CACNG8: variants seen among roughly 807,000 people sequenced by gnomAD.
CACNG8 encodes the protein calcium voltage-gated channel auxiliary subunit gamma 8.
Under a neutral mutation model 26.9 loss-of-function variants are expected in CACNG8, and 5 were observed. The ratio of observed to expected loss-of-function variants is 0.19; its 90% CI spans 0.10 to 0.39. The LOEUF is 0.39. CACNG8 is among the 10% of genes least tolerant of loss of function. The pLI, the probability that CACNG8 is intolerant of heterozygous loss-of-function variation, is 1.00. For missense variants in CACNG8, 473 were observed against 609.4 expected (o/e 0.78, Z 2.36); for synonymous variants, 321 against 296.7 (o/e 1.08, Z -0.84).
intron 1 of CACNG8, among the ~76,000 whole-genome samples, chr19:53,966,826 CA>C (rs1180934476): frequency 1.3e-5 from 2 of 152,150 alleles, no homozygotes; most frequent in African/African-American, 4.8e-5. Flanking sequence ...GCTGTGTTAA[CA>C]AATGACCGAG....
rs2069372800 is a variant in CACNG8 at position 53,982,072 on chromosome 19, C to T, written c.509-8C>T. 1 of 1,554,672 alleles carries T rather than the reference C, an allele frequency of 6.4e-7. No homozygotes were observed. Among genetic ancestry groups the T allele is most frequent in the Non-Finnish European group, 8.7e-7 (1 of 1,151,714 alleles). On this transcript the variant is annotated splice_region_variant and splice_polypyrimidine_tract_variant and intron_variant, in intron 3 of 3. Coordinates refer to ENST00000270458, the MANE Select transcript of CACNG8 (RefSeq NM_031895.6). This position sits in a 1 kb window ranked among gnomAD's most constrained non-coding sequence, Gnocchi z 8.4. ...CCTCGAGGCTCCCGTCTGACCGTCC[C>T]CGCCCAGGCCTGAGCAACATCATCG...
At position 53,989,423 on chromosome 19, in the gene CACNG8, G is replaced by A. The variant is rs1270961533; in HGVS notation, c.*6574G>A. On this transcript the variant is annotated 3_prime_UTR_variant, in exon 4 of 4. Transcript: ENST00000270458. ...CAACCACAGAGATAGGGAGACGTAAGCCGGAGAAAGACCCAGAGATTCGCA... is the reference window on the plus strand; with the variant it reads ...CAACCACAGAGATAGGGAGACGTAAACCGGAGAAAGACCCAGAGATTCGCA... 1 of 152,718 alleles carries A rather than the reference G, an allele frequency of 6.5e-6. No individual in the cohort carries two copies. Among genetic ancestry groups the A allele is most frequent in the African/African-American group, 2.4e-5 (1 of 41,418 alleles). The allele number at this position is 152,718 out of a possible 1,614,324, so 9.5% of individuals were successfully genotyped here.
intron 1 of CACNG8, among the ~76,000 whole-genome samples, chr19:53,974,982 C>A (rs1172414560): frequency 1.3e-5 from 2 of 149,734 alleles, no homozygotes; most frequent in Non-Finnish European, 3.0e-5. Flanking sequence ...TGGAATCTTG[C>A]TCTGTCACCA....
In CACNG8 at chr19:53,982,939, T is replaced by G; in HGVS notation, c.*90T>G. Reference sequence around the variant, plus strand: ...TGCCGGGGTCGGGGGCGCCCCCGCTTTCCCCCGTGAGCGCGCTGGAGACTG... The same window carrying G: ...TGCCGGGGTCGGGGGCGCCCCCGCTGTCCCCCGTGAGCGCGCTGGAGACTG... On this transcript the variant is annotated 3_prime_UTR_variant, in exon 4 of 4. Transcript: ENST00000270458. This position sits in a 1 kb window ranked among gnomAD's most constrained non-coding sequence, Gnocchi z 8.4. 32 of 855,618 alleles carry G rather than the reference T, an allele frequency of 3.7e-5. No individual in the cohort carries two copies. Among genetic ancestry groups the G allele is most frequent in the East Asian group, 5.3e-5 (1 of 18,838 alleles). The allele number at this position is 855,618 out of a possible 1,614,324, so 53.0% of individuals were successfully genotyped here.
At position 53,979,924 on chromosome 19, in the gene CACNG8, G is replaced by C; in HGVS notation, c.425G>C (p.Gly142Ala). The change falls in exon 3 of 4, where the codon GGG becomes GCG. Residue 142 changes from glycine (G) to alanine (A), a missense_variant. By Grantham distance (60) the Gly-to-Ala change is moderately conservative. This residue lies in a region of CACNG8 where 155 missense variants were observed against 253.0 expected (regional missense o/e 0.61). Coordinates refer to ENST00000270458, the MANE Select transcript of CACNG8 (RefSeq NM_031895.6). ...CTTAGCGCCATCCTGCTGCTGCTCG[G>C]GGGTGTGTGCGTGGCGGCCTCCCGC... The C allele has an allele frequency of 6.2e-7, 1 of 1,613,232 alleles. No individual in the cohort carries two copies. The highest frequency in any genetic ancestry group is 8.5e-7 in the Non-Finnish European group (1 of 1,179,512).
intron 1 of CACNG8, 145 bp from the exon 2 acceptor site, chr19:53,978,001 G>C: frequency 1.7e-6 from 1 of 602,482 alleles, no homozygotes; most frequent in South Asian, 2.0e-5. Flanking sequence ...ATCACGAGTC[G>C]GGCTCAGGAG....
intron 1 of CACNG8, among the ~76,000 whole-genome samples, chr19:53,967,462 C>T (rs1223271076): frequency 3.3e-5 from 5 of 152,190 alleles, no homozygotes; most frequent in Non-Finnish European, 5.9e-5. Flanking sequence ...GTCTCTATCA[C>T]GACTACTCGT....
In CACNG8 at chr19:53,963,326, G is replaced by T; in HGVS notation, c.184G>T (p.Asp62Tyr). 2 of 1,601,520 alleles carry T rather than the reference G, an allele frequency of 1.2e-6. No individual in the cohort carries two copies. The highest frequency in any genetic ancestry group is 1.7e-6 in the Non-Finnish European group (2 of 1,177,698). Residue 62 changes from aspartate (D) to tyrosine (Y), a missense_variant, in exon 1 of 4, where the codon GAC (aspartate) becomes TAC (tyrosine). Asp to Tyr is a radical substitution (Grantham distance 160). Coordinates refer to ENST00000270458, the MANE Select transcript of CACNG8 (RefSeq NM_031895.6). ...CACCACCAACCTCACGGCCGGCGGCGACGACGGGACCCCCCACCGCGGGGG... is the reference window on the plus strand; with the variant it reads ...CACCACCAACCTCACGGCCGGCGGCTACGACGGGACCCCCCACCGCGGGGG...
chr19:53,982,593 G>C lies in CACNG8; in HGVS notation c.1022G>C (p.Gly341Ala), dbSNP rs2069377941. Reference sequence around the variant, plus strand: ...GTGGGGGCGTTCGGCGGCGCGGCCGGGGGCGCCGGGGGCGGCGGCGGAGGC... The same window carrying C: ...GTGGGGGCGTTCGGCGGCGCGGCCGCGGGCGCCGGGGGCGGCGGCGGAGGC... The change falls in exon 4 of 4, where the codon GGG becomes GCG. Residue 341 changes from glycine to alanine, a missense_variant. By Grantham distance (60) the Gly-to-Ala change is moderately conservative (BLOSUM62 0). Transcript: ENST00000270458. This position sits in a 1 kb window ranked among gnomAD's most constrained non-coding sequence, Gnocchi z 8.4. The C allele has an allele frequency of 2.1e-6, 2 of 955,332 alleles. No individual in the cohort carries two copies. The highest frequency in any genetic ancestry group is 3.6e-5 in the African/African-American group (2 of 56,070). 59.2% of individuals were successfully genotyped at this position (955,332 alleles called of 1,614,324 possible).
At chr19:53,965,272 T>C (rs891924499) in intron 1 of CACNG8, among the ~76,000 whole-genome samples, 3 of 152,174 alleles carry the variant, frequency 2.0e-5, no homozygotes, top group African/African-American at 7.2e-5. Flanking sequence ...ATTTCCGGCT[T>C]CTTCTGAGCT....
At chr19:53,973,827 A>G (rs1252427389) in intron 1 of CACNG8, among the ~76,000 whole-genome samples, 4 of 151,884 alleles carry the variant, frequency 2.6e-5, no homozygotes, top group Non-Finnish European at 5.9e-5. Context: ...CTCCATCCCA[A>G]AAAAAAAGAA....
At chr19:53,981,826 G>T (rs890030753) in intron 3 of CACNG8, among the ~76,000 whole-genome samples, 1 of 152,198 alleles carries the variant, frequency 6.6e-6, no homozygotes, top group Non-Finnish European at 1.5e-5. Flanking sequence ...AGCTAAGAGT[G>T]GGCCGGAGCC....
Position 53,971,029 on chromosome 19 carries a change from C to T in CACNG8, c.284-7117C>T, listed in dbSNP as rs552062778. 5.1e-4 allele frequency among the ~76,000 whole-genome samples: 78 copies of T among 151,688 alleles called. 3 individuals carry two copies. The South Asian group carries it at 0.015, about 30-fold the overall frequency. On this transcript the variant is annotated intron_variant, in intron 1 of 3. Transcript: ENST00000270458. ...TTTTTAGGCTGGGCACGGTGGCTCA[C>T]GCCTGTAATCCCAGCACTTTGGGAG...
At chr19:53,974,525 C>A (rs909776735) in intron 1 of CACNG8, among the ~76,000 whole-genome samples, 13 of 152,168 alleles carry the variant, frequency 8.5e-5, no homozygotes, top group Non-Finnish European at 1.2e-4. Context: ...TTTTGAGGAA[C>A]CTCGACACTG....
chr19:53,973,617 G>A (rs771747899), intron 1 of CACNG8, among the ~76,000 whole-genome samples: 15 of 151,662 alleles, frequency 9.9e-5, no homozygotes, highest in South Asian at 4.2e-4. Flanking sequence ...GCCTGAGGTC[G>A]GGAGATCGAG....
Position 53,964,727 on chromosome 19 carries a change from G to A in CACNG8, c.283+1302G>A, listed in dbSNP as rs559940074. Among the ~76,000 whole-genome samples the A allele has an allele frequency of 2.0e-5, 3 of 152,046 alleles. No individual in the cohort carries two copies. The South Asian group carries it at 6.2e-4, about 32-fold the overall frequency. ...CAACCCCTTCTCTCTCCCACTCTTA[G>A]CATCAGTATTTCTTTCCTGAGTATC... On this transcript the variant is annotated intron_variant, in intron 1 of 3. Coordinates refer to ENST00000270458, the MANE Select transcript of CACNG8 (RefSeq NM_031895.6).
chr19:53,964,695 G>A (rs1321884985), intron 1 of CACNG8, among the ~76,000 whole-genome samples: 1 of 152,010 alleles, frequency 6.6e-6, no homozygotes, highest in Non-Finnish European at 1.5e-5. Context: ...CCTGCCCTCT[G>A]CTGTGCCAAC....
rs1388503100 is a variant in CACNG8, at chr19:53,982,982, C to T, written c.*133C>T. The T allele has an allele frequency of 4.4e-6, 2 of 458,120 alleles. No individual in the cohort carries two copies. Among genetic ancestry groups the T allele is most frequent in the South Asian group, 2.1e-4 (2 of 9,566 alleles). 28.4% of individuals were successfully genotyped at this position (458,120 alleles called of 1,614,324 possible). On this transcript the variant is annotated 3_prime_UTR_variant, in exon 4 of 4. Transcript: ENST00000270458. The surrounding 1 kb of genome is among the most constrained non-coding windows in gnomAD (Gnocchi z 8.4). ...GGAGACTGCTGGGCCCGCCCCACGC[C>T]CACCCTCCCCGCCCCCCTCCCCCTC...
chr19:53,983,712 T>G lies in CACNG8; in HGVS notation c.*863T>G, dbSNP rs1322147334. 1 of 152,330 alleles carries G rather than the reference T, an allele frequency of 6.6e-6. No individual in the cohort carries two copies. The highest frequency in any genetic ancestry group is 1.9e-4 in the East Asian group (1 of 5,184). The allele number at this position is 152,330 out of a possible 1,614,324, so 9.4% of individuals were successfully genotyped here. On this transcript the variant is annotated 3_prime_UTR_variant, in exon 4 of 4. Coordinates refer to ENST00000270458, the MANE Select transcript of CACNG8 (RefSeq NM_031895.6). ...CTAACCCAGTTGTGAGGAAGAGATTTCAGTGGACAGTGAAAGGATGAGAAG... is the reference window on the plus strand; with the variant it reads ...CTAACCCAGTTGTGAGGAAGAGATTGCAGTGGACAGTGAAAGGATGAGAAG...
Sources: gnomAD v4.1 joint callset for allele counts (sites outside exome capture counted in the v4.1 genomes callset) on GRCh38, gnomAD v4.1.1 for gene constraint, gnomAD v4.1.1 regional missense constraint, Gnocchi (gnomAD v3.1) non-coding constraint, MANE v1.5 for transcripts, NCBI Gene and HGNC (gene_info 2026-07-23, HGNC 2026-07-21) for gene names.